The following BUD23 variants were observed in gnomAD, a reference collection of about 807,000 sequenced individuals.
BUD23 encodes the protein 18S rRNA (guanine-N(7))-methyltransferase.
BUD23 carries 34 observed loss-of-function variants against 47.0 expected under a neutral mutation model. That is an observed-to-expected ratio of 0.72 (90% CI 0.55 to 0.96). The LOEUF (loss-of-function observed/expected upper bound fraction) is 0.96. Ranked by LOEUF, BUD23 falls within the 40% of genes least tolerant of loss-of-function variation. The pLI, the probability that BUD23 is intolerant of heterozygous loss-of-function variation, is 0.00. For synonymous variants in BUD23, 124 were observed against 132.0 expected (o/e 0.94, Z 0.41); for missense variants, 343 against 361.2 (o/e 0.95, Z 0.41).
intron 7 of BUD23, 129 bp from the exon 8 acceptor site, chr7:73,693,200 A>T: frequency 2.4e-6 from 2 of 845,014 alleles, no homozygotes; most frequent in Middle Eastern, 2.3e-4. Context: ...TACGTGGCTT[A>T]CAGCGACCTT....
At chr7:73,694,129 C>A in intron 10 of BUD23, 79 bp downstream of exon 10, 1 of 1,461,600 alleles carries the variant, frequency 6.8e-7, no homozygotes, top group Non-Finnish European at 9.3e-7. Flanking sequence ...TCTCTGCCCT[C>A]ACCCAAGCCT....
chr7:73,687,269 C>T (rs1554613205), intron 5 of BUD23, among the ~76,000 whole-genome samples, 174 bp downstream of exon 5: 7 of 152,088 alleles, frequency 4.6e-5, no homozygotes, highest in African/African-American at 7.2e-5. Context: ...CCCACACCAC[C>T]GTACCTAGCT....
In BUD23 at chr7:73,697,997, A is replaced by C. The variant is rs1038865864; in HGVS notation, c.*111A>C. ...AAGTTATAAAAATGTTTTCTGCAGTAAAAAAAAAGTTCTCTGGGCCGGGCG... is the reference window on the plus strand; with the variant it reads ...AAGTTATAAAAATGTTTTCTGCAGTCAAAAAAAAGTTCTCTGGGCCGGGCG... On this transcript the variant is annotated 3_prime_UTR_variant, in exon 12 of 12. Transcript: ENST00000265758. 3.3e-6 allele frequency: 4 copies of C among 1,210,012 alleles called. No individual in the cohort carries two copies. The highest frequency in any genetic ancestry group is 2.2e-6 in the Non-Finnish European group (2 of 902,728). The allele number at this position is 1,210,012 out of a possible 1,614,324, so 75.0% of individuals were successfully genotyped here. A position where few individuals can be genotyped will look rare whatever the true frequency, so the allele number is the denominator to read the frequency against.
chr7:73,686,674 G>C lies in BUD23; in HGVS notation c.125G>C (p.Arg42Pro), dbSNP rs151200832. The part of the protein sequence containing the change: ...MIDIQTRMAG[R>P]ALELLYLPEN... ...GATATCCAGACCAGGATGGCTGGGC[G>C]AGCATTGGAGCTTCTTTATCTGCCA... The change falls in exon 3 of 12, where the codon CGA (arginine) becomes CCA (proline). Residue 42 changes from arginine (R) to proline (P), a missense_variant. Physicochemically the swap from Arg to Pro is moderately radical, Grantham distance 103 (BLOSUM62 -2). Transcript: ENST00000265758. 2 of 1,613,654 alleles carry C rather than the reference G, an allele frequency of 1.2e-6. No homozygotes were observed. The highest frequency in any genetic ancestry group is 1.7e-6 in the Non-Finnish European group (2 of 1,179,842).
chr7:73,687,982 G>A (rs1197749991), intron 5 of BUD23, among the ~76,000 whole-genome samples: 1 of 149,622 alleles, frequency 6.7e-6, no homozygotes, highest in African/African-American at 2.5e-5. Flanking sequence ...TGCAAGCTCC[G>A]CCTCCCGGGT....
intron 10 of BUD23, chr7:73,695,914 A>G (rs1186864862): frequency 6.6e-6 from 1 of 152,236 alleles, no homozygotes; most frequent in Non-Finnish European, 1.5e-5. Flanking sequence ...GCTCTAAGTC[A>G]TACACATACC....
chr7:73,684,395 G>T (rs1797856359), intron 2 of BUD23, among the ~76,000 whole-genome samples: 1 of 150,124 alleles, frequency 6.7e-6, no homozygotes. Flanking sequence ...AAAAAAATTA[G>T]CCGGGTGTGG....
intron 10 of BUD23, chr7:73,695,844 T>C (rs1798381639): frequency 6.6e-6 from 1 of 152,280 alleles, no homozygotes; most frequent in Admixed American, 6.5e-5. Context: ...ATTGCTCTTT[T>C]AGTGCCTTCA....
At position 73,684,026 on chromosome 7, in the gene BUD23, G is replaced by A. The variant is rs565141055; in HGVS notation, c.86+222G>A. On this transcript the variant is annotated intron_variant, in intron 2 of 11. Transcript: ENST00000265758. Reference sequence around the variant, plus strand: ...GTAGGGGTGATCGCGCTTGCTTTCCGTGGGTGGTTTTCAAAGTCGAATGTG... The same window carrying A: ...GTAGGGGTGATCGCGCTTGCTTTCCATGGGTGGTTTTCAAAGTCGAATGTG... The A allele has an allele frequency of 4.2e-4, 596 of 1,425,828 alleles. 5 individuals are homozygous for A. The highest frequency in any genetic ancestry group is 5.1e-4 in the Admixed American group (18 of 34,978). The allele number at this position is 1,425,828 out of a possible 1,614,324, so 88.3% of individuals were successfully genotyped here.
At position 73,697,711 on chromosome 7, in the gene BUD23, G is replaced by A. The variant is rs781998227; in HGVS notation, c.791+17G>A. ...CCAGGGCAGGTGAGTGCCAGCCTGG[G>A]AGCTGGCAGGGTGGGTGGGGGGTGG... On this transcript the variant is annotated intron_variant, in intron 11 of 11. Transcript: ENST00000265758. The A allele has an allele frequency of 3.2e-6, 5 of 1,578,744 alleles. No individual in the cohort carries two copies. The highest frequency in any genetic ancestry group is 2.2e-5 in the South Asian group (2 of 90,186).
At chr7:73,693,954 C>T in intron 9 of BUD23, 38 bp from the exon 10 acceptor site, 16 of 1,609,668 alleles carry the variant, frequency 9.9e-6, no homozygotes, top group Non-Finnish European at 1.4e-5. Flanking sequence ...GGTTTGAGAA[C>T]TCTCCAGGGT....
chr7:73,683,716 G>A, intron 1 of BUD23, 43 bp downstream of exon 1: 1 of 1,614,064 alleles, frequency 6.2e-7, no homozygotes, highest in Non-Finnish European at 8.5e-7. Flanking sequence ...CCACTTCTGC[G>A]GCCACCGCGT....
At chr7:73,697,806 G>A in intron 11 of BUD23, 26 bp from the exon 12 acceptor site, 1 of 1,611,472 alleles carries the variant, frequency 6.2e-7, no homozygotes, top group Non-Finnish European at 8.5e-7. Context: ...TTTTTTCTGA[G>A]ACTGTCCTAT....
chr7:73,693,863 C>T, intron 9 of BUD23, 129 bp from the exon 10 acceptor site: 2 of 1,364,484 alleles, frequency 1.5e-6, no homozygotes, highest in African/African-American at 1.4e-5. Context: ...AAAGGCGTGT[C>T]AGTTCCTTCT....
chr7:73,694,229 G>A, intron 10 of BUD23, 179 bp downstream of exon 10: 1 of 623,764 alleles, frequency 1.6e-6, no homozygotes, highest in Non-Finnish European at 2.6e-6. Flanking sequence ...GGGGTTTGGG[G>A]TCCTGGATGT....
intron 5 of BUD23, among the ~76,000 whole-genome samples, chr7:73,688,334 C>G (rs990575456): frequency 6.6e-6 from 1 of 152,104 alleles, no homozygotes; most frequent in Admixed American, 6.5e-5. Flanking sequence ...GCCTGGGTGA[C>G]AGAGCAACAC....
rs1797807229 is a variant in BUD23 at position 73,683,639 on chromosome 7, G to T, written c.14G>T (p.Gly5Val). ...TGAGGCGTGAGAATGGCGTCCCGCGGCCGGCGTCCGGAGCATGGCGGACCC... is the reference window on the plus strand; with the variant it reads ...TGAGGCGTGAGAATGGCGTCCCGCGTCCGGCGTCCGGAGCATGGCGGACCC... MASR[G>V]RRPEHGGPPE... Residue 5 changes from glycine (G) to valine (V), a missense_variant, in exon 1 of 12, where the codon GGC becomes GTC. By Grantham distance (109) the Gly-to-Val change is moderately radical. Coordinates refer to ENST00000265758, the MANE Select transcript of BUD23 (RefSeq NM_017528.5). 6.2e-7 allele frequency: 1 copy of T among 1,611,630 alleles called. No individual in the cohort carries two copies. Among genetic ancestry groups the T allele is most frequent in the Non-Finnish European group, 8.5e-7 (1 of 1,179,280 alleles).
At chr7:73,686,761 C>T (rs1554613072) in intron 3 of BUD23, 30 bp downstream of exon 3, 1 of 1,613,978 alleles carries the variant, frequency 6.2e-7, no homozygotes, top group Admixed American at 1.7e-5. Flanking sequence ...TTCAGATTGT[C>T]TAAGGTGGTG....
intron 5 of BUD23, among the ~76,000 whole-genome samples, chr7:73,690,312 G>A (rs1270845878): frequency 3.3e-5 from 5 of 152,162 alleles, no homozygotes; most frequent in African/African-American, 1.2e-4. Flanking sequence ...GCTGCTTGAG[G>A]TTTTAAATCT....
Sources: gnomAD v4.1 joint callset for allele counts (sites outside exome capture counted in the v4.1 genomes callset) on GRCh38, gnomAD v4.1.1 for gene constraint, MANE v1.5 for transcripts, NCBI Gene and HGNC (gene_info 2026-07-23, HGNC 2026-07-21) for gene names.